The following PAFAH1B1 variants were observed in gnomAD, a reference collection of about 807,000 sequenced individuals.
The protein encoded by PAFAH1B1 is platelet activating factor acetylhydrolase 1b regulatory subunit 1.
Under a neutral mutation model 57.5 loss-of-function variants are expected in PAFAH1B1, and 2 were observed. The observed-to-expected ratio is 0.03, with a 90% CI of 0.01 to 0.11. The LOEUF (loss-of-function observed/expected upper bound fraction) is 0.11, where lower values mean the gene tolerates loss of function less well. PAFAH1B1 is among the 10% of genes least tolerant of loss of function. PAFAH1B1 has a pLI of 1.00. For synonymous variants in PAFAH1B1, 152 were observed against 169.6 expected, an observed-to-expected ratio of 0.90 and a Z score of 0.81; for missense variants, 257 against 512.0, an observed-to-expected ratio of 0.50 and a Z score of 4.81.
At chr17:2,655,026 T>G (rs1009592496) in intron 2 of PAFAH1B1, among the ~76,000 whole-genome samples, 1 of 150,784 alleles carries the variant, frequency 6.6e-6, no homozygotes, top group African/African-American at 2.4e-5. Flanking sequence ...CTCATAACTC[T>G]GGGGCTCAAA....
chr17:2,644,867 C>CT (rs747406702), intron 2 of PAFAH1B1, among the ~76,000 whole-genome samples: 9 of 152,032 alleles, frequency 5.9e-5, no homozygotes, highest in Non-Finnish European at 1.2e-4. Context: ...CAAAAGAGAG[C>CT]TTTTAATTTG....
At chr17:2,627,964 C>A (rs986095910) in intron 1 of PAFAH1B1, among the ~76,000 whole-genome samples, 4 of 152,148 alleles carry the variant, frequency 2.6e-5, no homozygotes, top group Non-Finnish European at 5.9e-5. Context: ...TTTATCAGTT[C>A]TAGGAGCTAT....
At position 2,662,795 on chromosome 17, in the gene PAFAH1B1, G is replaced by C. The variant is rs147623319; in HGVS notation, c.33-2577G>C. Among the ~76,000 whole-genome samples, 7 of 152,224 alleles carry C rather than the reference G, an allele frequency of 4.6e-5. No individual in the cohort carries two copies. The East Asian group carries it at 1.4e-3, about 29-fold the overall frequency. ...TTTAATTCTAGTGACTGGTTTCAAA[G>C]AGGTGAAGATTCCATCCTTAATAAA... On this transcript the variant is annotated intron_variant, in intron 2 of 10. Transcript: ENST00000397195.
chr17:2,659,605 C>G (rs2068988966), intron 2 of PAFAH1B1: 2 of 159,686 alleles, frequency 1.3e-5, no homozygotes, highest in African/African-American at 4.9e-5. Flanking sequence ...CCAAGGCAGT[C>G]AGGTCACATG....
At chr17:2,665,521 G>A in intron 3 of PAFAH1B1, 65 bp downstream of exon 3, 1 of 924,286 alleles carries the variant, frequency 1.1e-6, no homozygotes, top group Non-Finnish European at 1.8e-6. Context: ...AGTATCTGTA[G>A]TTAACAGTTA....
intron 1 of PAFAH1B1, chr17:2,613,438 C>A: frequency 4.1e-6 from 1 of 242,450 alleles, no homozygotes; most frequent in East Asian, 8.6e-5. Flanking sequence ...TGCTGAGTTC[C>A]CTCTCTGGGG....
intron 1 of PAFAH1B1, among the ~76,000 whole-genome samples, chr17:2,622,440 A>AT (rs2068435912): frequency 6.6e-6 from 1 of 152,190 alleles, no homozygotes; most frequent in Admixed American, 6.5e-5. Flanking sequence ...AAGGGGTTAC[A>AT]GGGCCCATGC....
At chr17:2,634,082 C>T (rs893446239) in intron 1 of PAFAH1B1, among the ~76,000 whole-genome samples, 2 of 148,952 alleles carry the variant, frequency 1.3e-5, no homozygotes, top group African/African-American at 4.9e-5. Context: ...TGGAGTTAAT[C>T]ATACTTTCCT....
At chr17:2,648,515 A>G (rs1041281573) in intron 2 of PAFAH1B1, among the ~76,000 whole-genome samples, 5 of 152,012 alleles carry the variant, frequency 3.3e-5, no homozygotes. Context: ...CATACCTACT[A>G]AAAATACAAA....
intron 2 of PAFAH1B1, among the ~76,000 whole-genome samples, chr17:2,645,621 A>T (rs534397710): frequency 7.7e-4 from 111 of 143,936 alleles, no homozygotes; most frequent in African/African-American, 2.6e-3. Flanking sequence ...ATATATATAT[A>T]TATTTTTTGT....
At chr17:2,618,816 G>A (rs1487727667) in intron 1 of PAFAH1B1, among the ~76,000 whole-genome samples, 1 of 149,780 alleles carries the variant, frequency 6.7e-6, no homozygotes, top group Non-Finnish European at 1.5e-5. Flanking sequence ...GGAGGCCGAG[G>A]TAGGAGAATC....
intron 3 of PAFAH1B1, 115 bp from the exon 4 acceptor site, chr17:2,665,901 C>T (rs2069101069): frequency 8.9e-7 from 1 of 1,126,584 alleles, no homozygotes; most frequent in African/African-American, 1.6e-5. Context: ...TGCCCAGCCA[C>T]TCCCTTTTTT....
chr17:2,617,309 C>G (rs535424670), intron 1 of PAFAH1B1, among the ~76,000 whole-genome samples: 34 of 152,234 alleles, frequency 2.2e-4, no homozygotes, highest in Middle Eastern at 6.8e-3. Context: ...TAATCTTTGG[C>G]TCAAGGCTAA....
At chr17:2,634,914 A>G (rs943233292) in intron 1 of PAFAH1B1, among the ~76,000 whole-genome samples, 12 of 152,184 alleles carry the variant, frequency 7.9e-5, no homozygotes, top group African/African-American at 2.9e-4. Flanking sequence ...CTGTAATCCG[A>G]GCACTTTGGA....
At chr17:2,595,421 CTTT>C (rs71377513) in intron 1 of PAFAH1B1, among the ~76,000 whole-genome samples, 20 of 124,026 alleles carry the variant, frequency 1.6e-4, no homozygotes, top group Non-Finnish European at 1.7e-4. Flanking sequence ...GGAGTGTTTG[CTTT>C]TTTTTTTTTT....
chr17:2,670,075 A>G, intron 5 of PAFAH1B1, 88 bp from the exon 6 acceptor site: 1 of 1,007,484 alleles, frequency 9.9e-7, no homozygotes, highest in Non-Finnish European at 1.6e-6. Flanking sequence ...TTACTCAGTA[A>G]GGTGCCAGAC....
intron 2 of PAFAH1B1, among the ~76,000 whole-genome samples, chr17:2,659,115 A>G (rs2068978498): frequency 1.3e-5 from 2 of 151,830 alleles, no homozygotes; most frequent in Admixed American, 1.3e-4. Context: ...GCTGGGCCTA[A>G]TGGCACGTGC....
chr17:2,637,686 G>C (rs1489481961), intron 1 of PAFAH1B1, among the ~76,000 whole-genome samples: 1 of 152,198 alleles, frequency 6.6e-6, no homozygotes, highest in African/African-American at 2.4e-5. Context: ...TTCAGTTATA[G>C]TTGGCACTGT....
At chr17:2,660,488 G>A (rs1005468551) in intron 2 of PAFAH1B1, among the ~76,000 whole-genome samples, 39 of 152,208 alleles carry the variant, frequency 2.6e-4, no homozygotes, top group African/African-American at 8.9e-4. Context: ...CCAGTTATGC[G>A]TGAGAGCATG....
Sources: allele counts gnomAD v4.1 joint callset (sites outside exome capture counted in the v4.1 genomes callset), GRCh38; gene constraint gnomAD v4.1.1; transcripts MANE v1.5; gene names NCBI Gene and HGNC (gene_info 2026-07-23, HGNC 2026-07-21).